PTPRF: variants seen among roughly 807,000 people sequenced by gnomAD.
PTPRF encodes receptor-type tyrosine-protein phosphatase F.
Under a neutral mutation model 201.8 loss-of-function variants are expected in PTPRF, and 59 were observed. The observed-to-expected ratio is 0.29, with a 90% confidence interval of 0.24 to 0.36. PTPRF has a LOEUF of 0.36. Among genes scored for constraint, PTPRF ranks in the 10% least tolerant of loss-of-function variants. The pLI is 1.00. For missense variants in PTPRF, 2,132 were observed against 2,690.5 expected (o/e 0.79, Z 4.59); for synonymous variants, 1,088 against 1,089.7 (o/e 1.00, Z 0.03).
rs541451200 is a variant in PTPRF, at chr1:43,619,553, G to T, written c.4912G>T (p.Ala1638Ser). ...AGTGCCTCCAGGGGAGAGTGTGACC[G>T]CCATGGAGCTCGAGTTCAAGGTGGG... Reference protein sequence around the residue: ...GQVPPGESVTAMELEFKLLAS... With the variant: ...GQVPPGESVTSMELEFKLLAS... The change falls in exon 28 of 34, where the codon GCC (alanine) becomes TCC (serine). Residue 1638 changes from alanine (A) to serine (S), a missense_variant. This residue lies in a region of PTPRF where 519 missense variants were observed against 659.5 expected (regional missense o/e 0.79). Coordinates refer to ENST00000359947, the MANE Select transcript of PTPRF (RefSeq NM_002840.5). 3.0e-5 allele frequency: 49 copies of T among 1,612,508 alleles called. No individual in the cohort carries two copies. The South Asian group carries it at 5.1e-4, about 17-fold the overall frequency.
At chr1:43,574,568 A>C (rs1165989426) in intron 6 of PTPRF, among the ~76,000 whole-genome samples, 2 of 152,246 alleles carry the variant, frequency 1.3e-5, no homozygotes, top group East Asian at 3.8e-4. Context: ...CAATTGTGAT[A>C]GCACATGTCA....
At chr1:43,614,173 C>T (rs965407084) in intron 23 of PTPRF, among the ~76,000 whole-genome samples, 7 of 152,190 alleles carry the variant, frequency 4.6e-5, no homozygotes, top group African/African-American at 1.7e-4. Context: ...TGTTATTATC[C>T]CATCTTCCAG....
Position 43,554,404 on chromosome 1 carries a change from CATTCATTCACAAACACTCCCTGG to C in PTPRF, c.379+465_379+487del, listed in dbSNP as rs774689588. On this transcript the variant is annotated intron_variant, in intron 5 of 33. Coordinates refer to ENST00000359947, the MANE Select transcript of PTPRF (RefSeq NM_002840.5). The surrounding 1 kb of genome is among the most constrained non-coding windows in gnomAD (Gnocchi z 4.1). ...GTCTTCTCTCACTTGGTGGCTTCTC[CATTCATTCACAAACACTCCCTGG>C]ACCACCTTGAAGTCCTCTGAGCACC... Among the ~76,000 whole-genome samples, 7 of 152,134 alleles carry C rather than the reference CATTCATTCACAAACACTCCCTGG, an allele frequency of 4.6e-5. No individual in the cohort carries two copies. Among genetic ancestry groups the C allele is most frequent in the South Asian group, 2.1e-4 (1 of 4,814 alleles).
upstream of PTPRF, among the ~76,000 whole-genome samples, chr1:43,525,674 G>A (rs933385509): frequency 2.6e-5 from 4 of 151,744 alleles, no homozygotes; most frequent in Non-Finnish European, 4.4e-5. Context: ...GCGTGGTGGC[G>A]GGCACCTGTA....
intron 5 of PTPRF, among the ~76,000 whole-genome samples, chr1:43,557,677 G>A (rs759062234): frequency 1.3e-5 from 2 of 151,582 alleles, no homozygotes; most frequent in African/African-American, 2.4e-5. Context: ...CCTCCGTTTG[G>A]TTTCTCTACC....
At chr1:43,555,196 C>CT (rs1175439037) in intron 5 of PTPRF, among the ~76,000 whole-genome samples, 1 of 151,996 alleles carries the variant, frequency 6.6e-6, no homozygotes, top group African/African-American at 2.4e-5. Flanking sequence ...ATACCTGTTC[C>CT]TTTTTGAAAA....
intron 7 of PTPRF, among the ~76,000 whole-genome samples, chr1:43,586,849 T>C (rs1316426703): frequency 6.6e-6 from 1 of 152,212 alleles, no homozygotes; most frequent in African/African-American, 2.4e-5. Flanking sequence ...GCTTTTCTAA[T>C]AGTTTCTGCG....
In PTPRF at chr1:43,554,854, T is replaced by TC. The variant is rs1491096149; in HGVS notation, c.379+913_379+914insC. ...TGCTTTTTTTTCTTTTCTTTCTTTC[T>TC]TTCTTTTTTTTTTTTTGAGATGCAG... On this transcript the variant is annotated intron_variant, in intron 5 of 33. Coordinates refer to ENST00000359947, the MANE Select transcript of PTPRF (RefSeq NM_002840.5). This position sits in a 1 kb window ranked among gnomAD's most constrained non-coding sequence, Gnocchi z 4.1. Among the ~76,000 whole-genome samples the TC allele has an allele frequency of 1.4e-4, 20 of 143,892 alleles. No homozygotes were observed. Among genetic ancestry groups the TC allele is most frequent in the African/African-American group, 5.7e-4 (20 of 34,984 alleles). 94.4% of individuals were successfully genotyped at this position (143,892 alleles called of 152,430 possible). A position where few individuals can be genotyped will look rare whatever the true frequency, so the allele number is the denominator to read the frequency against.
intron 5 of PTPRF, among the ~76,000 whole-genome samples, chr1:43,565,657 G>C (rs1646113293): frequency 6.6e-6 from 1 of 152,052 alleles, no homozygotes; most frequent in South Asian, 2.1e-4. Flanking sequence ...TGAGGAGGCA[G>C]ATGGCCCCTC....
At chr1:43,570,046 G>A (rs182386386) in intron 6 of PTPRF, among the ~76,000 whole-genome samples, 1 of 152,332 alleles carries the variant, frequency 6.6e-6, no homozygotes, top group East Asian at 1.9e-4. Context: ...CAGTGTGGTG[G>A]ACTCTTCAAG....
At chr1:43,597,711 T>G in intron 11 of PTPRF, 37 bp from the exon 12 acceptor site, 1 of 1,316,680 alleles carries the variant, frequency 7.6e-7, no homozygotes, top group Non-Finnish European at 1.1e-6. Context: ...ATCCCCACCC[T>G]CCATCTGCTT....
At chr1:43,544,041 T>C (rs1473417463) in intron 2 of PTPRF, among the ~76,000 whole-genome samples, 1 of 152,160 alleles carries the variant, frequency 6.6e-6, no homozygotes, top group African/African-American at 2.4e-5. Context: ...AGTGCGGCCA[T>C]GCTAGAGGCT....
chr1:43,601,557 G>A (rs940015563), intron 13 of PTPRF, among the ~76,000 whole-genome samples: 2 of 152,246 alleles, frequency 1.3e-5, no homozygotes, highest in Admixed American at 1.3e-4. Context: ...ATTGTGTAAT[G>A]TATGATCACA....
Position 43,622,082 on chromosome 1 carries a change from C to T in PTPRF, c.*79C>T, listed in dbSNP as rs890961261. ...AGCTCCTCTGAGCCATACCGACCATCGTCCAGCCCTCCTACGCAGATGCTG... is the reference window on the plus strand; with the variant it reads ...AGCTCCTCTGAGCCATACCGACCATTGTCCAGCCCTCCTACGCAGATGCTG... On this transcript the variant is annotated 3_prime_UTR_variant, in exon 34 of 34. Transcript: ENST00000359947. 7 of 1,456,756 alleles carry T rather than the reference C, an allele frequency of 4.8e-6. No homozygotes were observed. Among genetic ancestry groups the T allele is most frequent in the African/African-American group, 4.2e-5 (3 of 71,684 alleles). 90.2% of individuals were successfully genotyped at this position (1,456,756 alleles called of 1,614,324 possible).
intron 7 of PTPRF, among the ~76,000 whole-genome samples, chr1:43,586,220 G>A (rs1649105362): frequency 6.6e-6 from 1 of 152,238 alleles, no homozygotes; most frequent in South Asian, 2.1e-4. Flanking sequence ...TGAAGAGGAG[G>A]AGACAGGGCA....
intron 2 of PTPRF, among the ~76,000 whole-genome samples, chr1:43,541,618 AC>A (rs1644368493): frequency 6.6e-6 from 1 of 152,268 alleles, no homozygotes; most frequent in Non-Finnish European, 1.5e-5. Context: ...TTATAAAAAA[AC>A]AACTGCTATC....
At chr1:43,549,489 G>T (rs1035448035) in intron 3 of PTPRF, among the ~76,000 whole-genome samples, 2 of 152,212 alleles carry the variant, frequency 1.3e-5, no homozygotes, top group African/African-American at 4.8e-5. Context: ...TGGCCTAGGT[G>T]GTGGGTCCAA....
At chr1:43,592,633 A>C (rs747914848) in intron 11 of PTPRF, 32 bp downstream of exon 11, 4 of 1,547,948 alleles carry the variant, frequency 2.6e-6, no homozygotes, top group Non-Finnish European at 3.5e-6. Flanking sequence ...TGCCTGTTAC[A>C]CCTGGGCTGG....
At chr1:43,604,617 G>A (rs946451374) in intron 16 of PTPRF, among the ~76,000 whole-genome samples, 1 of 152,202 alleles carries the variant, frequency 6.6e-6, no homozygotes, top group African/African-American at 2.4e-5. Flanking sequence ...CTCTGGCCTG[G>A]TGTCCATCGG....
Sources: allele counts gnomAD v4.1 joint callset (sites outside exome capture counted in the v4.1 genomes callset), GRCh38; gene constraint gnomAD v4.1.1; regional missense constraint gnomAD v4.1.1; non-coding constraint Gnocchi (gnomAD v3.1); transcripts MANE v1.5; gene names NCBI Gene and HGNC (gene_info 2026-07-23, HGNC 2026-07-21).